The following POU6F2 variants were observed in gnomAD, a reference collection of about 807,000 sequenced individuals.
POU6F2 encodes the protein POU domain, class 6, transcription factor 2.
POU6F2 carries 31 observed loss-of-function variants against 71.3 expected under a neutral mutation model. The ratio of observed to expected loss-of-function variants is 0.43; its 90% CI spans 0.33 to 0.59. POU6F2 has a LOEUF of 0.59. Among genes scored for constraint, POU6F2 ranks in the 20% least tolerant of loss-of-function variants. The pLI is 0.04. For synonymous variants in POU6F2, 347 were observed against 355.7 expected, an observed-to-expected ratio of 0.98 and a Z score of 0.27; for missense variants, 783 against 856.8, an observed-to-expected ratio of 0.91 and a Z score of 1.07.
chr7:39,214,744 T>C (rs185925766), intron 4 of POU6F2, among the ~76,000 whole-genome samples: 140 of 152,282 alleles, frequency 9.2e-4, no homozygotes, highest in African/African-American at 3.3e-3. Flanking sequence ...AAAGAGAGCA[T>C]TCAGTGTAGA....
chr7:39,271,771 G>A (rs1410414289), intron 4 of POU6F2, among the ~76,000 whole-genome samples: 1 of 152,190 alleles, frequency 6.6e-6, no homozygotes, highest in African/African-American at 2.4e-5. Flanking sequence ...GCTGTAATAT[G>A]AGGATGAGAC....
chr7:39,143,594 A>G (rs1792552335), intron 2 of POU6F2, among the ~76,000 whole-genome samples: 1 of 152,198 alleles, frequency 6.6e-6, no homozygotes. Flanking sequence ...AGAGATGGAC[A>G]TTTGGGGAAT....
In POU6F2 at chr7:39,288,772, A is replaced by G. The variant is rs142235904; in HGVS notation, c.599-50870A>G. 2.9e-3 allele frequency among the ~76,000 whole-genome samples: 438 copies of G among 152,250 alleles called. 2 individuals carry two copies. The highest frequency in any genetic ancestry group is 0.01 in the African/African-American group (421 of 41,536). On this transcript the variant is annotated intron_variant, in intron 4 of 9. Coordinates refer to ENST00000518318, the MANE Select transcript of POU6F2 (RefSeq NM_001370959.1). ...CTGGCACATAGAAGACGCTCAGTCA[A>G]TGTTGGCCACCGAAACTGATAGTGA...
At chr7:39,022,536 A>G (rs34099272) in intron 1 of POU6F2, among the ~76,000 whole-genome samples, 61,895 of 151,842 alleles carry the variant, frequency 0.41, 13,004 homozygotes, top group South Asian at 0.5. Context: ...CTAGTGCCTC[A>G]GAGGCAATGA....
chr7:39,171,588 G>C (rs1793219709), intron 2 of POU6F2, among the ~76,000 whole-genome samples: 1 of 152,144 alleles, frequency 6.6e-6, no homozygotes, highest in Non-Finnish European at 1.5e-5. Context: ...AAGAAAAAAA[G>C]ATGTTCACCT....
chr7:39,029,684 T>C (rs1308540059), intron 1 of POU6F2, among the ~76,000 whole-genome samples: 4 of 152,212 alleles, frequency 2.6e-5, no homozygotes, highest in African/African-American at 9.6e-5. Flanking sequence ...GTTATAGAAT[T>C]CCTTTAAAAT....
intron 5 of POU6F2, among the ~76,000 whole-genome samples, chr7:39,343,989 TC>T (rs747052170): frequency 8.5e-5 from 13 of 152,160 alleles, no homozygotes; most frequent in Non-Finnish European, 1.5e-4. Flanking sequence ...GCAGATTTTA[TC>T]TTAGCCAGAG....
intron 2 of POU6F2, among the ~76,000 whole-genome samples, chr7:39,135,236 A>C (rs1792366145): frequency 1.3e-5 from 2 of 152,220 alleles, no homozygotes; most frequent in African/African-American, 4.8e-5. Context: ...GAAATATCAG[A>C]TATAGTCTAT....
At chr7:39,330,780 T>A (rs1785628312) in intron 4 of POU6F2, among the ~76,000 whole-genome samples, 2 of 152,224 alleles carry the variant, frequency 1.3e-5, no homozygotes, top group African/African-American at 4.8e-5. Context: ...TTGTATTCAT[T>A]ATTTCGTGCA....
rs201820236 is a variant in POU6F2 at position 39,242,545 on chromosome 7, T to TG, written c.598+34933dup. Among the ~76,000 whole-genome samples the TG allele has an allele frequency of 3.2e-3, 481 of 151,676 alleles. 7 individuals are homozygous for TG. Among genetic ancestry groups the TG allele is most frequent in the Admixed American group, 0.028 (424 of 15,178 alleles). ...AAGTGTCTAAAAAGAAAGGCTTTTTTGGGGGGGGTCATGATATGGTAAAAT... is the reference window on the plus strand; with the variant it reads ...AAGTGTCTAAAAAGAAAGGCTTTTTTGGGGGGGGGTCATGATATGGTAAAAT... On this transcript the variant is annotated intron_variant, in intron 4 of 9. Coordinates refer to ENST00000518318, the MANE Select transcript of POU6F2 (RefSeq NM_001370959.1).
At chr7:39,229,737 G>C (rs998389144) in intron 4 of POU6F2, among the ~76,000 whole-genome samples, 4 of 152,198 alleles carry the variant, frequency 2.6e-5, no homozygotes, top group Non-Finnish European at 5.9e-5. Flanking sequence ...GAAACAGGCA[G>C]GTATCTCTTA....
chr7:38,991,575 T>A (rs1040334615), intron 1 of POU6F2, among the ~76,000 whole-genome samples: 2 of 152,198 alleles, frequency 1.3e-5, no homozygotes, highest in African/African-American at 4.8e-5. Flanking sequence ...CATGCACCAA[T>A]GTAATACAGA....
chr7:39,126,349 A>G (rs1261123127), intron 2 of POU6F2, among the ~76,000 whole-genome samples: 1 of 152,224 alleles, frequency 6.6e-6, no homozygotes, highest in Non-Finnish European at 1.5e-5. Context: ...GGAAGGTCCA[A>G]CTGTGAGAAG....
At chr7:39,462,621 G>C (rs913865232) in intron 9 of POU6F2, among the ~76,000 whole-genome samples, 5 of 152,158 alleles carry the variant, frequency 3.3e-5, no homozygotes, top group Non-Finnish European at 5.9e-5. Flanking sequence ...TATGGCAAAC[G>C]ATGGCAAAAT....
intron 6 of POU6F2, among the ~76,000 whole-genome samples, chr7:39,414,344 A>G (rs895080593): frequency 6.6e-6 from 1 of 152,154 alleles, no homozygotes; most frequent in Non-Finnish European, 1.5e-5. Context: ...ACTGTTCCCA[A>G]AAGTCCCAGG....
intron 2 of POU6F2, among the ~76,000 whole-genome samples, chr7:39,151,412 G>A (rs1426084971): frequency 6.6e-6 from 1 of 152,188 alleles, no homozygotes; most frequent in Non-Finnish European, 1.5e-5. Context: ...AGCTAGTGGT[G>A]ATGACTTAGT....
rs1310832097 is a variant in POU6F2 at position 39,433,213 on chromosome 7, T to C, written c.1250T>C (p.Ile417Thr). 4 of 1,613,888 alleles carry C rather than the reference T, an allele frequency of 2.5e-6. No homozygotes were observed. Among genetic ancestry groups the C allele is most frequent in the East Asian group, 4.5e-5 (2 of 44,856 alleles). Residue 417 changes from isoleucine (I) to threonine (T), a missense_variant, in exon 7 of 10, where the codon ATT (isoleucine) becomes ACT (threonine). Coordinates refer to ENST00000518318, the MANE Select transcript of POU6F2 (RefSeq NM_001370959.1). ...CAGGGCCAGATCATCGCCACAGTCA[T>C]TGGGAACCAGATCCTGCCCGTGATC... is the stretch of plus-strand genomic sequence containing the variant. ...NAQGQIIATVIGNQILPVINT... is the reference protein window; with the variant it reads ...NAQGQIIATVTGNQILPVINT...
intron 5 of POU6F2, 191 bp from the exon 6 acceptor site, chr7:39,406,409 C>T (rs998839813): frequency 8.4e-6 from 5 of 598,720 alleles, no homozygotes; most frequent in African/African-American, 4.0e-5. Context: ...CATTTTCCTT[C>T]CAGCCTCGTT....
chr7:39,009,973 T>C (rs1789219268), intron 1 of POU6F2, among the ~76,000 whole-genome samples: 1 of 151,952 alleles, frequency 6.6e-6, no homozygotes, highest in Admixed American at 6.6e-5. Context: ...AGGATACTGG[T>C]CTAAAATTCT....
Sources: gnomAD v4.1 joint callset for allele counts (sites outside exome capture counted in the v4.1 genomes callset) on GRCh38, gnomAD v4.1.1 for gene constraint, MANE v1.5 for transcripts, NCBI Gene and HGNC (gene_info 2026-07-23, HGNC 2026-07-21) for gene names.